The following MTR variants were observed in gnomAD, a reference collection of about 807,000 sequenced individuals.
MTR encodes the protein 5-methyltetrahydrofolate-homocysteine methyltransferase, also known as methionine synthase.
A neutral mutation model predicts 154.8 loss-of-function variants in MTR; 84 were observed. That is an observed-to-expected ratio of 0.54 (90% CI 0.45 to 0.65). The LOEUF is 0.65. Among genes scored for constraint, MTR ranks in the 30% least tolerant of loss-of-function variants. The probability of loss-of-function intolerance (pLI) is 0.00; values close to 1 mark genes in which losing one functional copy is unlikely to be tolerated. For synonymous variants in MTR, 554 were observed against 553.9 expected, an observed-to-expected ratio of 1.00 and a Z score of 0.00; for missense variants, 1,275 against 1,570.2, an observed-to-expected ratio of 0.81 and a Z score of 3.18.
In MTR at chr1:236,898,847, A is replaced by G. The variant is rs939926572; in HGVS notation, c.*1203A>G. 6.6e-6 allele frequency: 1 copy of G among 152,172 alleles called. No individual in the cohort carries two copies. 9.4% of individuals were successfully genotyped at this position (152,172 alleles called of 1,614,324 possible). ...TTTTATTCCCCTCAATTCTCAATAT[A>G]TTCAGTAATGAAGAATGGTGCCACC... On this transcript the variant is annotated 3_prime_UTR_variant, in exon 33 of 33. Coordinates refer to ENST00000366577, the MANE Select transcript of MTR (RefSeq NM_000254.3).
chr1:236,799,289 T>C (rs534824670), intron 1 of MTR, among the ~76,000 whole-genome samples: 1 of 151,496 alleles, frequency 6.6e-6, no homozygotes, highest in Non-Finnish European at 1.5e-5. Flanking sequence ...GCTTGGCTAA[T>C]TTTTGTTTTT....
chr1:236,884,819 A>C (rs1665930875), intron 25 of MTR, among the ~76,000 whole-genome samples: 1 of 152,168 alleles, frequency 6.6e-6, no homozygotes, highest in African/African-American at 2.4e-5. Flanking sequence ...AAACGATGTG[A>C]CGTGGCCCAG....
At chr1:236,800,259 A>G (rs1660633206) in intron 1 of MTR, 9 of 985,304 alleles carry the variant, frequency 9.1e-6, no homozygotes, top group African/African-American at 1.7e-5. Context: ...CAAAGGACAT[A>G]CTTCACTGTC....
chr1:236,803,495 TG>T lies in MTR; in HGVS notation c.104del (p.Gly35GlufsTer6). ...TGCAGAAGAGGATTATGGTGCTGGA[TG>T]GAGGGATGGGGACCATGATCCAGCG... ...ILQKRIMVLD[G>X]GMGTMIQREK... On this transcript the variant is annotated frameshift_variant, in exon 2 of 33. Coordinates refer to ENST00000366577, the MANE Select transcript of MTR (RefSeq NM_000254.3). LOFTEE classifies it high-confidence loss of function. 1 of 1,614,112 alleles carries T rather than the reference TG, an allele frequency of 6.2e-7. No homozygotes were observed. Among genetic ancestry groups the T allele is most frequent in the Non-Finnish European group, 8.5e-7 (1 of 1,180,004 alleles).
intron 12 of MTR, among the ~76,000 whole-genome samples, chr1:236,830,789 G>A (rs1052889819): frequency 1.3e-5 from 2 of 152,148 alleles, no homozygotes; most frequent in Admixed American, 6.5e-5. Flanking sequence ...ATTGCCAGAT[G>A]GAAGAGAAAT....
intron 28 of MTR, 76 bp downstream of exon 28, chr1:236,889,412 T>A: frequency 6.3e-7 from 1 of 1,580,564 alleles, no homozygotes; most frequent in Non-Finnish European, 8.7e-7. Context: ...CCGGAATCGG[T>A]GAGGAGCAGT....
At position 236,835,581 on chromosome 1, in the gene MTR, T is replaced by C; in HGVS notation, c.1223T>C (p.Met408Thr). The change falls in exon 14 of 33, where the codon ATG becomes ACG. Residue 408 changes from methionine (M) to threonine (T), a missense_variant. Physicochemically the swap from Met to Thr is moderately conservative, Grantham distance 81. Transcript: ENST00000366577. ...ALCVAKVQVE[M>T]GAQVLDVNMD... ...TGTGTTGCCAAAGTGCAGGTGGAAA[T>C]GGGAGCCCAGGTGTTGGATGTCAAC... 1 of 1,611,594 alleles carries C rather than the reference T, an allele frequency of 6.2e-7. No individual in the cohort carries two copies. Among genetic ancestry groups the C allele is most frequent in the Non-Finnish European group, 8.5e-7 (1 of 1,179,586 alleles).
At chr1:236,886,236 C>T (rs377418286) in intron 26 of MTR, 56 bp from the exon 27 acceptor site, 28 of 1,413,102 alleles carry the variant, frequency 2.0e-5, no homozygotes, top group Non-Finnish European at 2.8e-5. Context: ...CATGTTTTCA[C>T]AGTAGTTGTA....
chr1:236,870,359 A>C (rs1197083562), intron 22 of MTR, among the ~76,000 whole-genome samples: 1 of 152,138 alleles, frequency 6.6e-6, no homozygotes, highest in Non-Finnish European at 1.5e-5. Context: ...TCCTTCTGGG[A>C]GTGGTCTTTA....
intron 26 of MTR, among the ~76,000 whole-genome samples, chr1:236,885,813 T>G (rs1365213039): frequency 6.6e-6 from 1 of 152,176 alleles, no homozygotes; most frequent in Non-Finnish European, 1.5e-5. Context: ...GCTAGGCAAG[T>G]GAAATGAGAT....
Position 236,795,420 on chromosome 1 carries a change from G to A in MTR, c.-284G>A, listed in dbSNP as rs1660310687. 6.8e-7 allele frequency: 1 copy of A among 1,465,900 alleles called. No homozygotes were observed. Among genetic ancestry groups the A allele is most frequent in the Non-Finnish European group, 9.1e-7 (1 of 1,101,614 alleles). 90.8% of individuals were successfully genotyped at this position (1,465,900 alleles called of 1,614,324 possible). A position where few individuals can be genotyped will look rare whatever the true frequency, so the allele number is the denominator to read the frequency against. ...GTCCCGCGACTCCGCCTCTGGCCGC[G>A]CGTGTCTGGCTGCTAGGCCGACACC... On this transcript the variant is annotated 5_prime_UTR_variant, in exon 1 of 33. Transcript: ENST00000366577.
intron 7 of MTR, among the ~76,000 whole-genome samples, chr1:236,816,153 G>A (rs1381737966): frequency 6.6e-6 from 1 of 152,192 alleles, no homozygotes; most frequent in Admixed American, 6.5e-5. Flanking sequence ...TGTTATCTCT[G>A]GGAAATCTGC....
At chr1:236,857,887 G>GC (rs1664293627) in intron 18 of MTR, among the ~76,000 whole-genome samples, 1 of 152,224 alleles carries the variant, frequency 6.6e-6, no homozygotes, top group Non-Finnish European at 1.5e-5. Context: ...AGGTGGCCAG[G>GC]CCAAGGTTTG....
In MTR at chr1:236,902,229, A is replaced by T. The variant is rs1156487318; in HGVS notation, c.*4585A>T. 1.3e-5 allele frequency: 2 copies of T among 152,228 alleles called. No homozygotes were observed. The highest frequency in any genetic ancestry group is 4.8e-5 in the African/African-American group (2 of 41,404). 9.4% of individuals were successfully genotyped at this position (152,228 alleles called of 1,614,324 possible). A position where few individuals can be genotyped will look rare whatever the true frequency, so the allele number is the denominator to read the frequency against. On this transcript the variant is annotated 3_prime_UTR_variant, in exon 33 of 33. Coordinates refer to ENST00000366577, the MANE Select transcript of MTR (RefSeq NM_000254.3). Reference sequence around the variant, plus strand: ...ACTGCTGCTGTACCCTGAAGGAGGTACCTGCTCACATTGGCCCCTCTGTCT... The same window carrying T: ...ACTGCTGCTGTACCCTGAAGGAGGTTCCTGCTCACATTGGCCCCTCTGTCT...
intron 18 of MTR, among the ~76,000 whole-genome samples, chr1:236,856,642 T>A (rs987332016): frequency 2.6e-5 from 4 of 152,086 alleles, no homozygotes; most frequent in Non-Finnish European, 4.4e-5. Flanking sequence ...CACCCCATCA[T>A]CTATATTAGG....
rs374045795 is a variant in MTR at position 236,835,564 on chromosome 1, C to T, written c.1206C>T (p.Ala402=). The part of the protein sequence containing the change: ...AGNYEEALCV[A]KVQVEMGAQV... ...TCCTTCAGGAAGCCTTGTGTGTTGC[C>T]AAAGTGCAGGTGGAAATGGGAGCCC... The change falls in exon 14 of 33, where the codon GCC becomes GCT. Residue 402 remains alanine (A), a synonymous_variant. Transcript: ENST00000366577. The T allele has an allele frequency of 3.1e-6, 5 of 1,611,618 alleles. No homozygotes were observed. Among genetic ancestry groups the T allele is most frequent in the Non-Finnish European group, 3.4e-6 (4 of 1,179,604 alleles).
chr1:236,864,546 C>T (rs1041374279), intron 22 of MTR, among the ~76,000 whole-genome samples: 4 of 152,138 alleles, frequency 2.6e-5, no homozygotes, highest in African/African-American at 7.2e-5. Flanking sequence ...AAAGACTTAG[C>T]GTTCTCTCCT....
rs113042293 is a variant in MTR at position 236,848,431 on chromosome 1, G to A, written c.1516-1913G>A. Among the ~76,000 whole-genome samples the A allele has an allele frequency of 4.6e-3, 708 of 152,264 alleles. 11 individuals are homozygous for A. Among genetic ancestry groups the A allele is most frequent in the African/African-American group, 0.016 (684 of 41,548 alleles). On this transcript the variant is annotated intron_variant, in intron 15 of 32. Coordinates refer to ENST00000366577, the MANE Select transcript of MTR (RefSeq NM_000254.3). Reference sequence around the variant, plus strand: ...CTTCTCTCTTAGTGAGCTTAGATGAGCCATGAACCTAGAGCCTAGAACTCT... The same window carrying A: ...CTTCTCTCTTAGTGAGCTTAGATGAACCATGAACCTAGAGCCTAGAACTCT...
chr1:236,823,627 C>CCA (rs1160999573), intron 8 of MTR, among the ~76,000 whole-genome samples: 7 of 152,028 alleles, frequency 4.6e-5, no homozygotes. Flanking sequence ...CTCAGGCCCA[C>CCA]CACCCACTGA....
Sources: allele counts gnomAD v4.1 joint callset (sites outside exome capture counted in the v4.1 genomes callset), GRCh38; gene constraint gnomAD v4.1.1; transcripts MANE v1.5; gene names NCBI Gene and HGNC (gene_info 2026-07-23, HGNC 2026-07-21).